TBC1D1: variants seen among roughly 807,000 people sequenced by gnomAD.
TBC1D1 encodes the protein TBC1 domain family member 1.
In TBC1D1, 89 loss-of-function variants were observed where a neutral mutation model predicts 125.6. That is an observed-to-expected ratio of 0.71 (90% confidence interval 0.60 to 0.85). The LOEUF (loss-of-function observed/expected upper bound fraction) is 0.85, where lower values mean the gene tolerates loss of function less well. Ranked by LOEUF, TBC1D1 falls within the 40% of genes least tolerant of loss-of-function variation. The pLI is 0.00. For synonymous variants in TBC1D1, 565 were observed against 564.1 expected, an observed-to-expected ratio of 1.00 and a Z score of -0.02; for missense variants, 1,377 against 1,469.2, an observed-to-expected ratio of 0.94 and a Z score of 1.03.
At chr4:38,061,313 A>G (rs1490407388) in intron 12 of TBC1D1, among the ~76,000 whole-genome samples, 1 of 152,292 alleles carries the variant, frequency 6.6e-6, no homozygotes, top group Non-Finnish European at 1.5e-5. Flanking sequence ...CTGAAAATCA[A>G]CTTCTGACTA....
chr4:37,909,964 C>T (rs1383390659), intron 2 of TBC1D1, among the ~76,000 whole-genome samples: 2 of 152,068 alleles, frequency 1.3e-5, no homozygotes. Context: ...AAAGAATGTC[C>T]GGGACTGCAT....
At chr4:37,941,322 T>G (rs1294009847) in intron 2 of TBC1D1, among the ~76,000 whole-genome samples, 1 of 152,256 alleles carries the variant, frequency 6.6e-6, no homozygotes, top group East Asian at 1.9e-4. Context: ...GAGGTGTTTA[T>G]AGTGTTCTCT....
intron 8 of TBC1D1, among the ~76,000 whole-genome samples, chr4:38,041,889 G>C (rs1277742097): frequency 6.6e-6 from 1 of 152,122 alleles, no homozygotes; most frequent in Non-Finnish European, 1.5e-5. Flanking sequence ...AAAGTAGAAA[G>C]TAGGCTGGGC....
At chr4:38,077,763 A>G (rs979676819) in intron 12 of TBC1D1, among the ~76,000 whole-genome samples, 1 of 151,786 alleles carries the variant, frequency 6.6e-6, no homozygotes, top group African/African-American at 2.4e-5. Context: ...TGGATGTTCA[A>G]GCGATTTTAA....
At chr4:37,996,075 A>G (rs1374956101) in intron 2 of TBC1D1, 6 of 514,578 alleles carry the variant, frequency 1.2e-5, no homozygotes, top group Non-Finnish European at 1.2e-5. Flanking sequence ...TGCAAGGCCT[A>G]TGTGGGTATA....
intron 2 of TBC1D1, among the ~76,000 whole-genome samples, chr4:37,942,867 A>G (rs561826412): frequency 8.5e-4 from 129 of 152,098 alleles, no homozygotes; most frequent in African/African-American, 3.0e-3. Flanking sequence ...TGTGAATTTG[A>G]TCCTGTCATT....
intron 6 of TBC1D1, among the ~76,000 whole-genome samples, chr4:38,024,669 G>A (rs1169493235): frequency 6.6e-6 from 1 of 152,212 alleles, no homozygotes; most frequent in African/African-American, 2.4e-5. Context: ...AGTAGAAGAA[G>A]TGCTAGTTAT....
Position 37,992,271 on chromosome 4 carries a change from C to A in TBC1D1, c.418-22238C>A, listed in dbSNP as rs114505232. Among the ~76,000 whole-genome samples the A allele has an allele frequency of 4.3e-3, 651 of 152,096 alleles. 4 individuals carry two copies. The highest frequency in any genetic ancestry group is 0.014 in the African/African-American group (593 of 41,492). ...TGGCTGAAGCAAGTGTAGGCCCGGA[C>A]CAGCGCTTGAGGTTTTGGGCTCGTG... On this transcript the variant is annotated intron_variant, in intron 2 of 19. Coordinates refer to ENST00000261439, the MANE Select transcript of TBC1D1 (RefSeq NM_015173.4).
In TBC1D1 at chr4:37,978,431, TTA is replaced by T. The variant is rs1733693453; in HGVS notation, c.418-36077_418-36076del. On this transcript the variant is annotated intron_variant, in intron 2 of 19. Transcript: ENST00000261439. ...GGTTGAGTAATAAGCTCACAACTCGTTAGCCATACTGTGAGGCTTTACCAATT... is the reference window on the plus strand; with the variant it reads ...GGTTGAGTAATAAGCTCACAACTCGTGCCATACTGTGAGGCTTTACCAATT... 7.2e-5 allele frequency among the ~76,000 whole-genome samples: 11 copies of T among 152,368 alleles called. No homozygotes were observed. In the South Asian group the frequency reaches 2.1e-3, roughly 29 times the overall value.
rs1744037205 is a variant in TBC1D1 at position 38,021,566 on chromosome 4, C to A, written c.1078-20C>A. The A allele has an allele frequency of 1.3e-6, 2 of 1,499,214 alleles. No homozygotes were observed. The highest frequency in any genetic ancestry group is 2.9e-5 in the African/African-American group (2 of 70,014). 92.9% of individuals were successfully genotyped at this position (1,499,214 alleles called of 1,614,324 possible). The stretch of plus-strand genomic sequence containing the variant: ...CAAATTGACTTTTTGGTGACTACAA[C>A]TTCTCTTCTCTTTGATTAGGTTGAT... On this transcript the variant is annotated intron_variant, in intron 5 of 19. Transcript: ENST00000261439.
At chr4:38,128,115 A>G (rs1374047278) in intron 18 of TBC1D1, among the ~76,000 whole-genome samples, 1 of 152,210 alleles carries the variant, frequency 6.6e-6, no homozygotes, top group Non-Finnish European at 1.5e-5. Flanking sequence ...GCATGTGAGA[A>G]GGTACAGGAA....
Position 38,014,842 on chromosome 4 carries a change from C to A in TBC1D1, c.751C>A (p.Gln251Lys). The A allele has an allele frequency of 6.2e-7, 1 of 1,612,162 alleles. No individual in the cohort carries two copies. The highest frequency in any genetic ancestry group is 8.5e-7 in the Non-Finnish European group (1 of 1,178,756). ...CTCGCTGGCCTTTAGGAAGGAGCTG[C>A]AGGATGGGGGCCTCCGAAGCAGCGG... Residue 251 changes from glutamine to lysine, a missense_variant, in exon 3 of 20, where the codon CAG becomes AAG. Around this residue, in one of 3 missense-constraint regions of TBC1D1, gnomAD observed 822 missense variants for 824.6 expected, o/e 1.00. Coordinates refer to ENST00000261439, the MANE Select transcript of TBC1D1 (RefSeq NM_015173.4). This position sits in a 1 kb window ranked among gnomAD's most constrained non-coding sequence, Gnocchi z 5.1.
At chr4:38,076,644 A>G (rs1755640901) in intron 12 of TBC1D1, among the ~76,000 whole-genome samples, 1 of 152,212 alleles carries the variant, frequency 6.6e-6, no homozygotes, top group Non-Finnish European at 1.5e-5. Context: ...GAAAATCCAA[A>G]AATAGACCAG....
intron 2 of TBC1D1, among the ~76,000 whole-genome samples, chr4:37,998,985 G>A (rs556739793): frequency 2.6e-5 from 4 of 152,042 alleles, no homozygotes; most frequent in African/African-American, 4.8e-5. Flanking sequence ...GGTGGCTCTC[G>A]CCTGTAATCC....
intron 12 of TBC1D1, among the ~76,000 whole-genome samples, chr4:38,081,816 G>T (rs1036172308): frequency 6.6e-6 from 1 of 152,092 alleles, no homozygotes; most frequent in Non-Finnish European, 1.5e-5. Context: ...CCATTTCCTG[G>T]TAGTTAGTAC....
At chr4:38,015,020 T>G (rs1340635703) in intron 3 of TBC1D1, 47 bp downstream of exon 3, 6 of 1,468,640 alleles carry the variant, frequency 4.1e-6, no homozygotes, top group Admixed American at 4.7e-5. Context: ...GCCATACGCT[T>G]TCAAGAGAAA....
chr4:38,091,371 T>C (rs1254406807), intron 13 of TBC1D1, among the ~76,000 whole-genome samples: 2 of 152,190 alleles, frequency 1.3e-5, no homozygotes, highest in Non-Finnish European at 2.9e-5. Context: ...GTGAGTGCTG[T>C]TTTCTTCCAA....
At chr4:38,077,630 A>ATT (rs33926889) in intron 12 of TBC1D1, among the ~76,000 whole-genome samples, 1,355 of 125,310 alleles carry the variant, frequency 0.011, 29 homozygotes, top group African/African-American at 0.033. Context: ...CAAAACCTTA[A>ATT]TTTTTTTTTT....
At chr4:37,975,246 G>C (rs1033251085) in intron 2 of TBC1D1, among the ~76,000 whole-genome samples, 1 of 152,256 alleles carries the variant, frequency 6.6e-6, no homozygotes, top group African/African-American at 2.4e-5. Flanking sequence ...GGCAGAGAGA[G>C]AGAGAAGAGA....
Sources: gnomAD v4.1 joint callset for allele counts (sites outside exome capture counted in the v4.1 genomes callset) on GRCh38, gnomAD v4.1.1 for gene constraint, gnomAD v4.1.1 regional missense constraint, Gnocchi (gnomAD v3.1) non-coding constraint, MANE v1.5 for transcripts, NCBI Gene and HGNC (gene_info 2026-07-23, HGNC 2026-07-21) for gene names.